IGSF11: variants seen among roughly 807,000 people sequenced by gnomAD.
The protein encoded by IGSF11 is immunoglobulin superfamily member 11.
IGSF11 carries 22 observed loss-of-function variants against 41.0 expected under a neutral mutation model. The observed-to-expected ratio is 0.54, with a 90% CI of 0.38 to 0.77. The LOEUF (loss-of-function observed/expected upper bound fraction) is 0.77, where lower values mean the gene tolerates loss of function less well. IGSF11 is among the 30% of genes least tolerant of loss of function. IGSF11 has a pLI of 0.00. For synonymous variants in IGSF11, 219 were observed against 201.3 expected (o/e 1.09, Z -0.74); for missense variants, 444 against 530.8 (o/e 0.84, Z 1.61).
intron 1 of IGSF11, among the ~76,000 whole-genome samples, chr3:119,070,407 A>G (rs556110589): frequency 6.6e-5 from 10 of 152,338 alleles, no homozygotes; most frequent in African/African-American, 2.4e-4. Context: ...TAAGGGAAGA[A>G]TGTATAAAGT....
intron 1 of IGSF11, among the ~76,000 whole-genome samples, chr3:118,990,061 A>G (rs933267511): frequency 6.6e-6 from 1 of 152,206 alleles, no homozygotes; most frequent in Non-Finnish European, 1.5e-5. Flanking sequence ...ATAAACAGTA[A>G]AAGTGCAGAA....
At chr3:118,963,274 T>A (rs1310789989) in intron 1 of IGSF11, among the ~76,000 whole-genome samples, 1 of 152,222 alleles carries the variant, frequency 6.6e-6, no homozygotes, top group Admixed American at 6.5e-5. Context: ...TGAGGACCAC[T>A]GCAGTATATG....
Position 119,113,353 on chromosome 3 carries a change from T to A in IGSF11, c.-13-8148A>T, listed in dbSNP as rs561193274. 7.9e-5 allele frequency among the ~76,000 whole-genome samples: 12 copies of A among 152,272 alleles called. No individual in the cohort carries two copies. In the East Asian group the frequency reaches 2.3e-3, roughly 29 times the overall value. On this transcript the variant is annotated intron_variant, in intron 1 of 7. Coordinates refer to the IGSF11 transcript ENST00000425327. ...AAGTCCCTAACTCAAAACCAGTTAG[T>A]TATTTACAAGATACAATGAGGATAT...
In IGSF11 at chr3:119,083,484, A is replaced by C. The variant is rs181726354; in HGVS notation, c.49+21660T>G. Among the ~76,000 whole-genome samples the C allele has an allele frequency of 2.9e-3, 430 of 149,206 alleles. 1 individual carries two copies. The highest frequency in any genetic ancestry group is 3.4e-3 in the Middle Eastern group (1 of 292). ...AACTGACCTAATTGATCTATAGAAC[A>C]AACACTCTTACCACAAAGATCACAC... On this transcript the variant is annotated intron_variant, in intron 1 of 6. Transcript: ENST00000354673.
intron 1 of IGSF11, among the ~76,000 whole-genome samples, chr3:119,023,829 G>A (rs1939557596): frequency 6.6e-6 from 1 of 152,296 alleles, no homozygotes; most frequent in Middle Eastern, 3.4e-3. Context: ...AGGAAGTGCT[G>A]AAGACTGCAA....
chr3:118,910,679 T>A (rs1401645462), intron 4 of IGSF11, among the ~76,000 whole-genome samples: 1 of 152,204 alleles, frequency 6.6e-6, no homozygotes, highest in Non-Finnish European at 1.5e-5. Context: ...TTTCACAATC[T>A]GGACTTCACC....
chr3:118,944,346 T>C (rs564514708), intron 1 of IGSF11, among the ~76,000 whole-genome samples: 1 of 152,274 alleles, frequency 6.6e-6, no homozygotes, highest in African/African-American at 2.4e-5. Context: ...CTTTGCCTGT[T>C]CTTCCAGCCA....
intron 1 of IGSF11, among the ~76,000 whole-genome samples, chr3:119,011,001 A>G (rs1938050396): frequency 6.6e-6 from 1 of 152,234 alleles, no homozygotes; most frequent in Non-Finnish European, 1.5e-5. Flanking sequence ...TGAGATAAAA[A>G]GCACTTGAAG....
At position 119,043,366 on chromosome 3, in the gene IGSF11, T is replaced by C. The variant is rs1941196625; in HGVS notation, c.49+61778A>G. 2.6e-5 allele frequency among the ~76,000 whole-genome samples: 4 copies of C among 152,148 alleles called. No homozygotes were observed. In the South Asian group the frequency reaches 8.3e-4, roughly 32 times the overall value. On this transcript the variant is annotated intron_variant, in intron 1 of 6. Coordinates refer to the IGSF11 transcript ENST00000354673. Reference sequence around the variant, plus strand: ...TGAGCTCTCTTTACTACCTGATTAGTCGGGTGTGAGCTAAGTTGCAAGCCC... The same window carrying C: ...TGAGCTCTCTTTACTACCTGATTAGCCGGGTGTGAGCTAAGTTGCAAGCCC...
At chr3:119,091,697 A>G (rs2076763150) in intron 1 of IGSF11, among the ~76,000 whole-genome samples, 1 of 152,146 alleles carries the variant, frequency 6.6e-6, no homozygotes, top group African/African-American at 2.4e-5. Flanking sequence ...ACTGAAGACT[A>G]CTAGGGAAGA....
At chr3:118,971,588 A>G (rs1398951832) in intron 1 of IGSF11, among the ~76,000 whole-genome samples, 1 of 152,124 alleles carries the variant, frequency 6.6e-6, no homozygotes, top group Non-Finnish European at 1.5e-5. Flanking sequence ...GTGCATCACG[A>G]GGTCAGGGGT....
chr3:119,106,492 T>A (rs575683218), upstream of IGSF11, among the ~76,000 whole-genome samples: 2 of 152,206 alleles, frequency 1.3e-5, no homozygotes, highest in African/African-American at 2.4e-5. Context: ...TCACCTGACA[T>A]AATGACCTAC....
intron 1 of IGSF11, among the ~76,000 whole-genome samples, chr3:119,063,905 A>T (rs959993851): frequency 3.9e-5 from 6 of 152,256 alleles, no homozygotes; most frequent in Non-Finnish European, 8.8e-5. Context: ...GCAAGGAGGC[A>T]CTGCTGCATT....
intron 3 of IGSF11, among the ~76,000 whole-genome samples, chr3:118,927,294 T>C (rs969354449): frequency 1.3e-5 from 2 of 152,178 alleles, no homozygotes; most frequent in African/African-American, 4.8e-5. Flanking sequence ...CTTTTTATCT[T>C]CTTTTTAAAA....
intron 1 of IGSF11, among the ~76,000 whole-genome samples, chr3:118,984,099 A>G (rs1461630638): frequency 6.6e-6 from 1 of 151,674 alleles, no homozygotes; most frequent in Non-Finnish European, 1.5e-5. Context: ...AGTCTATAAA[A>G]TCTTTTTTCT....
intron 1 of IGSF11, among the ~76,000 whole-genome samples, chr3:119,033,074 C>T (rs898609593): frequency 6.6e-6 from 1 of 152,160 alleles, no homozygotes; most frequent in Non-Finnish European, 1.5e-5. Context: ...ATCAGATGAC[C>T]TTGCAAGGCT....
rs1410631637 is a variant in IGSF11, at chr3:119,049,844, G to A, written c.49+55300C>T. ...GAACAGAGCCCTCAGAAATAACGCC[G>A]CATATCTACAACTATCTGATCTTTG... On this transcript the variant is annotated intron_variant, in intron 1 of 6. Coordinates refer to the IGSF11 transcript ENST00000354673. Among the ~76,000 whole-genome samples, 1,037 of 147,688 alleles carry A rather than the reference G, an allele frequency of 7.0e-3. 14 individuals are homozygous for A. Among genetic ancestry groups the A allele is most frequent in the African/African-American group, 0.024 (961 of 39,906 alleles).
chr3:119,092,140 TA>T (rs2076773257), intron 1 of IGSF11, among the ~76,000 whole-genome samples: 1 of 151,780 alleles, frequency 6.6e-6, no homozygotes, highest in Non-Finnish European at 1.5e-5. Flanking sequence ...GACTCCTAAG[TA>T]TGTGGGATTA....
At chr3:119,049,901 G>C (rs2107431133) in intron 1 of IGSF11, among the ~76,000 whole-genome samples, 1 of 146,478 alleles carries the variant, frequency 6.8e-6, no homozygotes, top group East Asian at 2.0e-4. Flanking sequence ...AATGGGGAAA[G>C]GATTCCCTAT....
Sources: gnomAD v4.1 joint callset for allele counts (sites outside exome capture counted in the v4.1 genomes callset) on GRCh38, gnomAD v4.1.1 for gene constraint, MANE v1.5 for transcripts, NCBI Gene and HGNC (gene_info 2026-07-23, HGNC 2026-07-21) for gene names.